The following RPRD1A variants were observed in gnomAD, a reference collection of about 807,000 sequenced individuals.
RPRD1A encodes the protein regulation of nuclear pre-mRNA domain containing 1A.
A neutral mutation model predicts 37.8 loss-of-function variants in RPRD1A; 9 were observed. The observed-to-expected ratio is 0.24, with a 90% confidence interval of 0.14 to 0.42. The LOEUF is 0.42. Ranked by LOEUF, RPRD1A falls within the 10% of genes least tolerant of loss-of-function variation. The pLI is 1.00. For missense variants in RPRD1A, 255 were observed against 371.0 expected (o/e 0.69, Z 2.57); for synonymous variants, 138 against 139.7 (o/e 0.99, Z 0.08).
At chr18:36,032,730 T>G (rs774054409) in intron 2 of RPRD1A, among the ~76,000 whole-genome samples, 29 of 152,240 alleles carry the variant, frequency 1.9e-4, no homozygotes, top group Non-Finnish European at 2.6e-4. Context: ...GTAACATAAT[T>G]TCTTGCATAG....
chr18:36,017,161 T>G (rs1048423192), intron 6 of RPRD1A, among the ~76,000 whole-genome samples: 1 of 152,006 alleles, frequency 6.6e-6, no homozygotes, highest in Admixed American at 6.6e-5. Flanking sequence ...AGCACAAAAA[T>G]TAGTCGGGAG....
At position 36,008,577 on chromosome 18, in the gene RPRD1A, G is replaced by GTGTGTGTGTATATATATATATATA; in HGVS notation, c.790-15278_790-15277insTATATATATATATATACACACACA. ...GGCGACACAGCAAGACCTTGTGTGTGTATATATATATATCTTTAAAAATCT... is the reference window on the plus strand; with the variant it reads ...GGCGACACAGCAAGACCTTGTGTGTGTGTGTGTGTATATATATATATATATATATATATATATCTTTAAAAATCT... On this transcript the variant is annotated intron_variant, in intron 6 of 6. Transcript: ENST00000399022. 8.2e-4 allele frequency among the ~76,000 whole-genome samples: 39 copies of GTGTGTGTGTATATATATATATATA among 47,792 alleles called. 2 individuals are homozygous for GTGTGTGTGTATATATATATATATA. Among genetic ancestry groups the GTGTGTGTGTATATATATATATATA allele is most frequent in the South Asian group, 1.8e-3 (2 of 1,094 alleles). 31.4% of individuals were successfully genotyped at this position (47,792 alleles called of 152,430 possible). A position where few individuals can be genotyped will look rare whatever the true frequency, so the allele number is the denominator to read the frequency against.
intron 6 of RPRD1A, among the ~76,000 whole-genome samples, chr18:35,997,681 T>C (rs1909161578): frequency 6.6e-6 from 1 of 152,258 alleles, no homozygotes; most frequent in Non-Finnish European, 1.5e-5. Context: ...TTTGCTCTTC[T>C]TTCCATCTTA....
intron 4 of RPRD1A, among the ~76,000 whole-genome samples, chr18:36,030,010 A>G (rs1164310578): frequency 4.0e-5 from 6 of 151,240 alleles, no homozygotes; most frequent in South Asian, 2.1e-4. Context: ...GTTTCACCAT[A>G]TTAGCCAGGA....
chr18:36,005,446 A>G (rs1909690239), intron 6 of RPRD1A, among the ~76,000 whole-genome samples: 1 of 152,182 alleles, frequency 6.6e-6, no homozygotes, highest in African/African-American at 2.4e-5. Flanking sequence ...ATTTTTCAGT[A>G]TTTTCCAAAT....
chr18:36,014,873 C>T (rs1055173441), intron 6 of RPRD1A, among the ~76,000 whole-genome samples: 5 of 151,970 alleles, frequency 3.3e-5, no homozygotes, highest in African/African-American at 1.2e-4. Flanking sequence ...TAGGGAAACG[C>T]AAATCAAAAC....
chr18:36,054,672 G>A (rs762942190), intron 1 of RPRD1A, among the ~76,000 whole-genome samples: 3 of 152,016 alleles, frequency 2.0e-5, no homozygotes, highest in African/African-American at 4.8e-5. Flanking sequence ...CAAGTCCCAC[G>A]ATCTGCAGTT....
At chr18:36,035,996 C>A (rs1456024722) in intron 1 of RPRD1A, among the ~76,000 whole-genome samples, 1 of 152,054 alleles carries the variant, frequency 6.6e-6, no homozygotes, top group Non-Finnish European at 1.5e-5. Context: ...ATGAACAGTT[C>A]TGGAAACTGG....
chr18:35,994,912 A>G (rs1001258180), intron 6 of RPRD1A, among the ~76,000 whole-genome samples: 4 of 152,106 alleles, frequency 2.6e-5, no homozygotes, highest in African/African-American at 9.7e-5. Flanking sequence ...CTGATTTTCT[A>G]TCTTTTCCAT....
intron 1 of RPRD1A, among the ~76,000 whole-genome samples, chr18:36,055,549 CAAAT>C (rs1015722850): frequency 6.6e-6 from 1 of 152,166 alleles, no homozygotes; most frequent in South Asian, 2.1e-4. Flanking sequence ...ATCACTTAAA[CAAAT>C]ACACATTTAA....
At chr18:36,003,662 T>C (rs561974060) in intron 6 of RPRD1A, among the ~76,000 whole-genome samples, 4 of 152,354 alleles carry the variant, frequency 2.6e-5, no homozygotes, top group East Asian at 1.9e-4. Context: ...TTCAAAGCTG[T>C]TGGCAACTCA....
chr18:35,994,529 C>T (rs879586380), intron 6 of RPRD1A, among the ~76,000 whole-genome samples: 1 of 152,162 alleles, frequency 6.6e-6, no homozygotes, highest in African/African-American at 2.4e-5. Context: ...AGGGTTCAGG[C>T]TTCATAAGCA....
Position 36,030,931 on chromosome 18 carries a change from TA to T in RPRD1A, c.389-27del, listed in dbSNP as rs763394256. On this transcript the variant is annotated intron_variant, in intron 3 of 6. Transcript: ENST00000399022. Reference sequence around the variant, plus strand: ...CTGAAATGAAAGAACATTTAAGTATTAATGAAAGAATACATTTTAATGAAGA... The same window carrying T: ...CTGAAATGAAAGAACATTTAAGTATTATGAAAGAATACATTTTAATGAAGA... 19 of 1,598,818 alleles carry T rather than the reference TA, an allele frequency of 1.2e-5. No individual in the cohort carries two copies. The Admixed American group carries it at 1.7e-4, about 14-fold the overall frequency.
intron 6 of RPRD1A, among the ~76,000 whole-genome samples, chr18:36,001,200 A>T (rs1909395273): frequency 6.6e-6 from 1 of 152,238 alleles, no homozygotes; most frequent in Non-Finnish European, 1.5e-5. Context: ...AAAGGTGCCC[A>T]ATGCCAGGAA....
intron 4 of RPRD1A, among the ~76,000 whole-genome samples, chr18:36,028,352 T>G (rs901389730): frequency 1.3e-5 from 2 of 152,140 alleles, no homozygotes; most frequent in African/African-American, 4.8e-5. Context: ...TGTTTAAAAT[T>G]TCAGTATTTT....
chr18:36,015,157 CATATAT>C (rs1299148760), intron 6 of RPRD1A, among the ~76,000 whole-genome samples: 252 of 91,880 alleles, frequency 2.7e-3, no homozygotes, highest in African/African-American at 7.9e-3. Context: ...CACACACACA[CATATAT>C]ACACATATAT....
intron 6 of RPRD1A, among the ~76,000 whole-genome samples, chr18:36,023,902 T>C (rs890503423): frequency 3.9e-5 from 6 of 152,242 alleles, no homozygotes; most frequent in South Asian, 4.1e-4. Context: ...GTAATTGTAA[T>C]ACTTAGACAA....
At position 36,030,991 on chromosome 18, in the gene RPRD1A, A is replaced by G. The variant is rs760366747; in HGVS notation, c.388T>C (p.Tyr130His). The G allele has an allele frequency of 2.5e-6, 4 of 1,596,932 alleles. No homozygotes were observed. Among genetic ancestry groups the G allele is most frequent in the African/African-American group, 1.4e-5 (1 of 73,702 alleles). The change falls in exon 3 of 7, where the codon TAT becomes CAT. Residue 130 changes from tyrosine (Y) to histidine (H), a missense_variant and splice_region_variant. Transcript: ENST00000399022. ...DVLEQLKQAL[Y>H]GDKKPRKRTY... ...TAAGAGATCAGGATTCTACACTTAC[A>G]CAGAGCTTGTTTAAGTTGTTCTAAT...
At chr18:36,066,789 C>A in intron 1 of RPRD1A, among the ~76,000 whole-genome samples, 1 of 152,218 alleles carries the variant, frequency 6.6e-6, no homozygotes, top group Non-Finnish European at 1.5e-5. Context: ...CATTACCCAT[C>A]TTCTTATATT....
Sources: allele counts gnomAD v4.1 joint callset (sites outside exome capture counted in the v4.1 genomes callset), GRCh38; gene constraint gnomAD v4.1.1; transcripts MANE v1.5; gene names NCBI Gene and HGNC (gene_info 2026-07-23, HGNC 2026-07-21).